Variants in SMYD3 observed in about 807,000 individuals in gnomAD.
SMYD3 encodes the protein SET and MYND domain containing 3.
Under a neutral mutation model 57.7 loss-of-function variants are expected in SMYD3, and 36 were observed. That is an observed-to-expected ratio of 0.62 (90% CI 0.48 to 0.82). The LOEUF (loss-of-function observed/expected upper bound fraction) is 0.82. Among genes scored for constraint, SMYD3 ranks in the 40% least tolerant of loss-of-function variants. The probability of loss-of-function intolerance (pLI) is 0.00; values close to 1 mark genes in which losing one functional copy is unlikely to be tolerated. For missense variants in SMYD3, 515 were observed against 538.8 expected (o/e 0.96, Z 0.44); for synonymous variants, 211 against 195.0 (o/e 1.08, Z -0.68).
intron 10 of SMYD3, among the ~76,000 whole-genome samples, chr1:245,849,263 A>G (rs186650223): frequency 1.3e-5 from 2 of 152,208 alleles, no homozygotes; most frequent in Non-Finnish European, 2.9e-5. Flanking sequence ...CCCTTAGCAC[A>G]TGGTTCTTGA....
At chr1:246,228,563 T>A (rs1002573924) in intron 5 of SMYD3, among the ~76,000 whole-genome samples, 2 of 152,176 alleles carry the variant, frequency 1.3e-5, no homozygotes, top group Non-Finnish European at 2.9e-5. Context: ...GTCCATTGCC[T>A]ATAGGTCAAG....
Position 246,163,268 on chromosome 1 carries a change from A to G in SMYD3, c.531+163933T>C, listed in dbSNP as rs113002267. ...TCCAGCTTGCCTTGATTTTATAAAA[A>G]GAAATGACCTTGAAAATAATTAAGC... is the stretch of plus-strand genomic sequence containing the variant. On this transcript the variant is annotated intron_variant, in intron 5 of 11. Coordinates refer to ENST00000490107, the MANE Select transcript of SMYD3 (RefSeq NM_001167740.2). Among the ~76,000 whole-genome samples, 248 of 152,364 alleles carry G rather than the reference A, an allele frequency of 1.6e-3. 1 individual carries two copies. Among genetic ancestry groups the G allele is most frequent in the African/African-American group, 5.4e-3 (226 of 41,592 alleles).
intron 1 of SMYD3, among the ~76,000 whole-genome samples, chr1:246,363,040 T>A (rs2066025687): frequency 6.9e-6 from 1 of 144,150 alleles, no homozygotes; most frequent in Non-Finnish European, 1.5e-5. Context: ...CGGCCGCCCA[T>A]CGTCTGAGAT....
intron 10 of SMYD3, among the ~76,000 whole-genome samples, chr1:245,847,812 T>TA (rs1041749807): frequency 6.5e-4 from 99 of 151,752 alleles, no homozygotes; most frequent in African/African-American, 2.1e-3. Flanking sequence ...TTGTTCAAGT[T>TA]AAAAAAAAAT....
At chr1:245,871,799 T>C (rs776221204) in intron 8 of SMYD3, among the ~76,000 whole-genome samples, 4 of 152,130 alleles carry the variant, frequency 2.6e-5, no homozygotes, top group Non-Finnish European at 5.9e-5. Flanking sequence ...ACTTACGTCC[T>C]AAATGTCACA....
At chr1:246,455,498 G>GAAT in intron 1 of SMYD3, among the ~76,000 whole-genome samples, 1 of 152,288 alleles carries the variant, frequency 6.6e-6, no homozygotes, top group African/African-American at 2.4e-5. Flanking sequence ...CAAATGTTAA[G>GAAT]AGGTTTCCTA....
intron 5 of SMYD3, among the ~76,000 whole-genome samples, chr1:246,039,665 T>C (rs1017912836): frequency 1.1e-4 from 17 of 151,880 alleles, no homozygotes; most frequent in Non-Finnish European, 8.8e-5. Flanking sequence ...AGAGTAGGAG[T>C]AACTGGCGAC....
At chr1:245,800,791 G>A (rs905782780) in intron 10 of SMYD3, among the ~76,000 whole-genome samples, 1 of 152,198 alleles carries the variant, frequency 6.6e-6, no homozygotes, top group Non-Finnish European at 1.5e-5. Context: ...CAGGGCCCCA[G>A]GAACTTGGGG....
At chr1:246,024,071 A>T (rs1251651499) in intron 5 of SMYD3, among the ~76,000 whole-genome samples, 2 of 152,178 alleles carry the variant, frequency 1.3e-5, no homozygotes, top group African/African-American at 4.8e-5. Context: ...TGGCCAGGTA[A>T]CCTAGAGGTC....
intron 4 of SMYD3, 52 bp downstream of exon 4, chr1:246,330,428 C>T: frequency 7.0e-7 from 1 of 1,425,978 alleles, no homozygotes. Context: ...TTCACCAACT[C>T]AGCAAACAAA....
intron 10 of SMYD3, among the ~76,000 whole-genome samples, chr1:245,857,812 G>A (rs1276141554): frequency 6.6e-6 from 1 of 152,046 alleles, no homozygotes; most frequent in Non-Finnish European, 1.5e-5. Context: ...ATCCACCAGC[G>A]CCTAACTCTC....
chr1:245,891,977 G>T (rs1374236663), intron 8 of SMYD3, among the ~76,000 whole-genome samples: 1 of 152,176 alleles, frequency 6.6e-6, no homozygotes, highest in Non-Finnish European at 1.5e-5. Flanking sequence ...GCCCAGGAGT[G>T]AGCCATGAAC....
intron 5 of SMYD3, among the ~76,000 whole-genome samples, chr1:246,243,071 A>G (rs2063642875): frequency 6.6e-6 from 1 of 152,168 alleles, no homozygotes; most frequent in Admixed American, 6.5e-5. Flanking sequence ...AAACATATCC[A>G]GGACTTGAAC....
intron 5 of SMYD3, among the ~76,000 whole-genome samples, chr1:246,204,646 G>A (rs1435916344): frequency 6.6e-6 from 1 of 152,136 alleles, no homozygotes; most frequent in Non-Finnish European, 1.5e-5. Flanking sequence ...TACATGGCAC[G>A]ACAGCTTAAA....
intron 5 of SMYD3, chr1:246,035,364 A>AC (rs1285315842): frequency 1.3e-5 from 2 of 152,138 alleles, no homozygotes; most frequent in African/African-American, 4.8e-5. Context: ...GTTGAAATAA[A>AC]CGGAAAGGAA....
At chr1:246,258,457 A>C (rs1311932300) in intron 5 of SMYD3, among the ~76,000 whole-genome samples, 2 of 152,118 alleles carry the variant, frequency 1.3e-5, no homozygotes, top group African/African-American at 4.8e-5. Context: ...AAAAAATTTT[A>C]TTTCTTCTTC....
In SMYD3 at chr1:246,309,363, A is replaced by C. The variant is rs534278831; in HGVS notation, c.531+17838T>G. 2.0e-5 allele frequency among the ~76,000 whole-genome samples: 3 copies of C among 152,338 alleles called. No homozygotes were observed. In the East Asian group the frequency reaches 5.8e-4, roughly 29 times the overall value. On this transcript the variant is annotated intron_variant, in intron 5 of 11. Coordinates refer to ENST00000490107, the MANE Select transcript of SMYD3 (RefSeq NM_001167740.2). ...CTTGGATTATCATACTCCTCCAGCC[A>C]GACGAAGGTATAGTGAACTAGAGAG...
At chr1:245,913,581 A>T (rs2055181038) in intron 8 of SMYD3, among the ~76,000 whole-genome samples, 1 of 152,206 alleles carries the variant, frequency 6.6e-6, no homozygotes, top group Non-Finnish European at 1.5e-5. Context: ...TTTTATGGCT[A>T]AGACCACAAA....
chr1:245,899,530 A>G (rs1196931852), intron 8 of SMYD3, among the ~76,000 whole-genome samples: 1 of 152,212 alleles, frequency 6.6e-6, no homozygotes, highest in African/African-American at 2.4e-5. Flanking sequence ...TGACTTGCCC[A>G]GGACCATTCA....
Sources: allele counts gnomAD v4.1 joint callset (sites outside exome capture counted in the v4.1 genomes callset), GRCh38; gene constraint gnomAD v4.1.1; transcripts MANE v1.5; gene names NCBI Gene and HGNC (gene_info 2026-07-23, HGNC 2026-07-21).